Variants in AKAP13 observed in about 807,000 individuals in gnomAD.
AKAP13 encodes A-kinase anchoring protein 13.
Under a neutral mutation model 264.5 loss-of-function variants are expected in AKAP13, and 80 were observed. The ratio of observed to expected loss-of-function variants is 0.30; its 90% CI spans 0.25 to 0.36. The LOEUF (loss-of-function observed/expected upper bound fraction) is 0.36. Ranked by LOEUF, AKAP13 falls within the 10% of genes least tolerant of loss-of-function variation. The pLI, the probability that AKAP13 is intolerant of heterozygous loss-of-function variation, is 1.00. For synonymous variants in AKAP13, 1,380 were observed against 1,250.2 expected, an observed-to-expected ratio of 1.10 and a Z score of -2.19; for missense variants, 3,712 against 3,435.2, an observed-to-expected ratio of 1.08 and a Z score of -2.01.
At position 85,669,763 on chromosome 15, in the gene AKAP13, A is replaced by C; in HGVS notation, c.5034A>C (p.Thr1678=). The stretch of plus-strand genomic sequence containing the variant: ...AGCAGCAGGGATTTAATTACTGTAC[A>C]TCAGCCATTTCCTCTCCATTGACAA... The part of the protein sequence containing the change: ...RSKQQGFNYC[T]SAISSPLTKS... The change falls in exon 14 of 37, where the codon ACA becomes ACC. Residue 1678 remains threonine, a synonymous_variant. Coordinates refer to ENST00000394518, the MANE Select transcript of AKAP13 (RefSeq NM_007200.5). 1 of 1,613,782 alleles carries C rather than the reference A, an allele frequency of 6.2e-7. No homozygotes were observed. The highest frequency in any genetic ancestry group is 8.5e-7 in the Non-Finnish European group (1 of 1,179,714).
intron 4 of AKAP13, among the ~76,000 whole-genome samples, chr15:85,539,695 A>G (rs1449738750): frequency 1.3e-5 from 2 of 152,186 alleles, no homozygotes; most frequent in African/African-American, 4.8e-5. Flanking sequence ...AGGTGTGTCC[A>G]GCATATAAGT....
At chr15:85,531,649 A>G (rs1321354874) in intron 3 of AKAP13, among the ~76,000 whole-genome samples, 7 of 152,290 alleles carry the variant, frequency 4.6e-5, no homozygotes, top group Non-Finnish European at 1.0e-4. Context: ...CCGCATATAC[A>G]TTATTATAAA....
chr15:85,589,993 T>G (rs1250467311), intron 8 of AKAP13, among the ~76,000 whole-genome samples: 1 of 152,192 alleles, frequency 6.6e-6, no homozygotes, highest in Non-Finnish European at 1.5e-5. Context: ...TCTCTAGCTT[T>G]AACCTTCTAG....
intron 8 of AKAP13, chr15:85,619,855 A>G: frequency 7.3e-7 from 1 of 1,377,856 alleles, no homozygotes. Context: ...TCATCTTTCC[A>G]GCACTCTGAA....
intron 9 of AKAP13, among the ~76,000 whole-genome samples, chr15:85,641,829 A>G (rs1466709717): frequency 1.3e-5 from 2 of 152,148 alleles, no homozygotes; most frequent in Non-Finnish European, 2.9e-5. Flanking sequence ...TATACTCTTC[A>G]ATAATGGATA....
At chr15:85,685,490 CTGTGTGTG>C (rs34565043) in intron 16 of AKAP13, 1 of 134,324 alleles carries the variant, frequency 7.4e-6, no homozygotes, top group Non-Finnish European at 1.7e-5. Context: ...GTGTGTGTGT[CTGTGTGTG>C]TGTGTGTGTA....
At chr15:85,418,538 G>T (rs1204978616) in intron 1 of AKAP13, among the ~76,000 whole-genome samples, 2 of 152,208 alleles carry the variant, frequency 1.3e-5, no homozygotes, top group Non-Finnish European at 2.9e-5. Flanking sequence ...TACCTGTGCA[G>T]TGGCCAGTAC....
rs1235040996 is a variant in AKAP13, at chr15:85,708,000, G to C, written c.5465-19G>C. The C allele has an allele frequency of 1.9e-6, 3 of 1,613,158 alleles. No individual in the cohort carries two copies. The African/African-American group carries it at 4.0e-5, about 22-fold the overall frequency. ...CTGTTTGCTTTGTCCATGTGACCTT[G>C]GGTTTGCTTTCTTTTCAGATTGCAG... On this transcript the variant is annotated intron_variant, in intron 17 of 36. Coordinates refer to ENST00000394518, the MANE Select transcript of AKAP13 (RefSeq NM_007200.5).
intron 1 of AKAP13, among the ~76,000 whole-genome samples, chr15:85,463,980 T>C (rs568893478): frequency 6.6e-6 from 1 of 152,302 alleles, no homozygotes; most frequent in African/African-American, 2.4e-5. Flanking sequence ...TAGTATGTAC[T>C]GCGGAAGCCA....
At chr15:85,586,008 C>T (rs1344211126) in intron 8 of AKAP13, among the ~76,000 whole-genome samples, 185 bp downstream of exon 8, 1 of 152,116 alleles carries the variant, frequency 6.6e-6, no homozygotes, top group African/African-American at 2.4e-5. Context: ...ATGGTATATA[C>T]CATACAGCAA....
In AKAP13 at chr15:85,741,109, C is replaced by T. The variant is rs138392436; in HGVS notation, c.7672C>T (p.Leu2558Phe). 131 of 1,613,670 alleles carry T rather than the reference C, an allele frequency of 8.1e-5. No individual in the cohort carries two copies. The highest frequency in any genetic ancestry group is 3.4e-4 in the Middle Eastern group (2 of 5,938). Residue 2558 changes from leucine (L) to phenylalanine (F), a missense_variant, in exon 35 of 37, where the codon CTC becomes TTC. Physicochemically the swap from Leu to Phe is conservative, Grantham distance 22 (BLOSUM62 0). This residue lies in a region of AKAP13 where 611 missense variants were observed against 539.3 expected (regional missense o/e 1.13). Coordinates refer to ENST00000394518, the MANE Select transcript of AKAP13 (RefSeq NM_007200.5). ...GAAACTGGTGCTGAGCGAGAGGGCGCTCACTCGCAGCTTGTCCCGCCCGAG... is the reference window on the plus strand; with the variant it reads ...GAAACTGGTGCTGAGCGAGAGGGCGTTCACTCGCAGCTTGTCCCGCCCGAG... ...DQKLVLSERALTRSLSRPSSL... is the reference protein window; with the variant it reads ...DQKLVLSERAFTRSLSRPSSL...
At chr15:85,449,124 G>A (rs1193469009) in intron 1 of AKAP13, among the ~76,000 whole-genome samples, 1 of 151,730 alleles carries the variant, frequency 6.6e-6, no homozygotes. Context: ...CACCTCCCTG[G>A]TTAGCTGTAT....
chr15:85,740,738 AACCC>A (rs1374371728), intron 34 of AKAP13, among the ~76,000 whole-genome samples: 1 of 127,584 alleles, frequency 7.8e-6, no homozygotes, highest in African/African-American at 3.1e-5. Flanking sequence ...ACACACACAC[AACCC>A]ACCCACCCAC....
At position 85,655,465 on chromosome 15, in the gene AKAP13, A is replaced by G. The variant is rs2083055631; in HGVS notation, c.4423A>G (p.Thr1475Ala). The G allele has an allele frequency of 6.2e-7, 1 of 1,614,204 alleles. No homozygotes were observed. Among genetic ancestry groups the G allele is most frequent in the Non-Finnish European group, 8.5e-7 (1 of 1,180,030 alleles). ...TGATATCACCGGATCCAGTTCATCC[A>G]CCGATGACACGGCTTCACTGGACCG... ...ACDITGSSSS[T>A]DDTASLDRHS... Residue 1475 changes from threonine (T) to alanine (A), a missense_variant, in exon 11 of 37, where the codon ACC (threonine) becomes GCC (alanine). Transcript: ENST00000394518.
intron 2 of AKAP13, among the ~76,000 whole-genome samples, chr15:85,508,445 G>C (rs1448187174): frequency 7.0e-6 from 1 of 143,188 alleles, no homozygotes; most frequent in Admixed American, 7.0e-5. Context: ...GCCTGGCCTT[G>C]TGTAGATTTT....
chr15:85,394,381 C>T (rs2071015652), intron 1 of AKAP13, among the ~76,000 whole-genome samples: 1 of 152,144 alleles, frequency 6.6e-6, no homozygotes, highest in Non-Finnish European at 1.5e-5. Flanking sequence ...AGACCTGGGT[C>T]ATGTAATGCA....
At chr15:85,450,906 T>G (rs1010826674) in intron 1 of AKAP13, among the ~76,000 whole-genome samples, 3 of 152,208 alleles carry the variant, frequency 2.0e-5, no homozygotes, top group African/African-American at 7.2e-5. Context: ...GTCCTGAATA[T>G]CTTTGTTTAT....
chr15:85,515,774 G>C lies in AKAP13; in HGVS notation c.34-5654G>C, dbSNP rs1337118092. 2.9e-5 allele frequency among the ~76,000 whole-genome samples: 4 copies of C among 137,846 alleles called. 1 individual carries two copies. The highest frequency in any genetic ancestry group is 1.2e-4 in the African/African-American group (4 of 34,264). The allele number at this position is 137,846 out of a possible 152,430, so 90.4% of individuals were successfully genotyped here. On this transcript the variant is annotated intron_variant, in intron 2 of 36. Coordinates refer to ENST00000394518, the MANE Select transcript of AKAP13 (RefSeq NM_007200.5). ...CATTTTTGTTAGGAACACTGTAAGT[G>C]ATGCTGTGTCCTTAGTGCATGCTAT...
intron 11 of AKAP13, 88 bp downstream of exon 11, chr15:85,655,875 T>C: frequency 6.7e-7 from 1 of 1,497,014 alleles, no homozygotes; most frequent in Non-Finnish European, 8.9e-7. Flanking sequence ...TAAAAGAATT[T>C]AGGAGACCCC....
Sources: gnomAD v4.1 joint callset for allele counts (sites outside exome capture counted in the v4.1 genomes callset) on GRCh38, gnomAD v4.1.1 for gene constraint, gnomAD v4.1.1 regional missense constraint, MANE v1.5 for transcripts, NCBI Gene and HGNC (gene_info 2026-07-23, HGNC 2026-07-21) for gene names.